ACACA: variants seen among roughly 807,000 people sequenced by gnomAD.
The protein encoded by ACACA is acetyl-CoA carboxylase alpha.
In ACACA, 103 loss-of-function variants were observed where a neutral mutation model predicts 296.1. The observed-to-expected ratio is 0.35, with a 90% CI of 0.30 to 0.41. ACACA has a LOEUF of 0.41. Among genes scored for constraint, ACACA ranks in the 10% least tolerant of loss-of-function variants. ACACA has a pLI of 1.00. For missense variants in ACACA, 1,554 were observed against 2,989.7 expected (o/e 0.52, Z 11.20); for synonymous variants, 953 against 1,038.6 (o/e 0.92, Z 1.58).
intron 1 of ACACA, among the ~76,000 whole-genome samples, chr17:37,399,026 C>T (rs541544331): frequency 4.6e-5 from 7 of 150,848 alleles, no homozygotes; most frequent in Admixed American, 4.0e-4. Flanking sequence ...GTTGCCCAGG[C>T]TGGAGTGCAA....
intron 3 of ACACA, among the ~76,000 whole-genome samples, chr17:37,301,064 A>G (rs935997068): frequency 6.6e-6 from 1 of 152,238 alleles, no homozygotes; most frequent in Non-Finnish European, 1.5e-5. Flanking sequence ...AAATGCAAAT[A>G]AAGCACTAAG....
At chr17:37,126,433 T>C (rs540471128) in intron 47 of ACACA, among the ~76,000 whole-genome samples, 19 of 152,354 alleles carry the variant, frequency 1.2e-4, no homozygotes, top group African/African-American at 4.6e-4. Flanking sequence ...ACATACTTAA[T>C]GCCATTAATC....
chr17:37,271,838 A>T (rs960018206), intron 9 of ACACA, among the ~76,000 whole-genome samples: 13 of 150,634 alleles, frequency 8.6e-5, no homozygotes, highest in African/African-American at 3.2e-4. Context: ...TGGGCGTGGT[A>T]CTGCATGCCT....
chr17:37,130,062 A>T lies in ACACA; in HGVS notation c.5823+13T>A, dbSNP rs1222967352. The T allele has an allele frequency of 6.2e-7, 1 of 1,614,052 alleles. No individual in the cohort carries two copies. The highest frequency in any genetic ancestry group is 1.7e-5 in the Admixed American group (1 of 60,026). On this transcript the variant is annotated intron_variant, in intron 46 of 55. Coordinates refer to ENST00000616317, the MANE Select transcript of ACACA (RefSeq NM_198834.3). Reference sequence around the variant, plus strand: ...TCTGCAGGCCATGTCAGTGCTGGGTAGGAAGGGCTCACCTTGGGCATGTAA... The same window carrying T: ...TCTGCAGGCCATGTCAGTGCTGGGTTGGAAGGGCTCACCTTGGGCATGTAA...
chr17:37,275,495 C>CAAAAA lies in ACACA; in HGVS notation c.901+451_901+455dup, dbSNP rs34064045. Among the ~76,000 whole-genome samples, 2 of 61,646 alleles carry CAAAAA rather than the reference C, an allele frequency of 3.2e-5. 1 individual carries two copies. Among genetic ancestry groups the CAAAAA allele is most frequent in the African/African-American group, 1.0e-4 (2 of 19,924 alleles). The allele number at this position is 61,646 out of a possible 152,430, so 40.4% of individuals were successfully genotyped here. ...TGGGCAACAGAGTGAGACTCCAACT[C>CAAAAA]AAAAAAAAAAAAAAAAAAGAAAAAA... On this transcript the variant is annotated intron_variant, in intron 8 of 55. Transcript: ENST00000616317.
At position 37,279,361 on chromosome 17, in the gene ACACA, G is replaced by A. The variant is rs138870950; in HGVS notation, c.611-1356C>T. Among the ~76,000 whole-genome samples, 460 of 152,282 alleles carry A rather than the reference G, an allele frequency of 3.0e-3. 1 individual carries two copies. The highest frequency in any genetic ancestry group is 4.6e-3 in the Non-Finnish European group (313 of 68,026). ...TTTTAAAAGTGAAAATTGGCCAGGC[G>A]CAGTGGCTCACGCCTGTAATCCTAG... On this transcript the variant is annotated intron_variant, in intron 5 of 55. Coordinates refer to ENST00000616317, the MANE Select transcript of ACACA (RefSeq NM_198834.3).
intron 52 of ACACA, among the ~76,000 whole-genome samples, chr17:37,104,944 GAAAAAAAAAA>G (rs66518229): frequency 5.3e-5 from 3 of 56,644 alleles, no homozygotes; most frequent in Non-Finnish European, 6.6e-5. Flanking sequence ...GTCTCTGACC[GAAAAAAAAAA>G]AAAAAAAAAA....
At chr17:37,393,733 T>C (rs568991978) in intron 1 of ACACA, among the ~76,000 whole-genome samples, 29 of 151,150 alleles carry the variant, frequency 1.9e-4, no homozygotes, top group African/African-American at 6.6e-4. Flanking sequence ...TCTCAGCTAC[T>C]CCAGAGGCTG....
At chr17:37,364,226 G>C (rs1226878254) in intron 1 of ACACA, among the ~76,000 whole-genome samples, 1 of 152,174 alleles carries the variant, frequency 6.6e-6, no homozygotes, top group Non-Finnish European at 1.5e-5. Flanking sequence ...GAACCCAGGA[G>C]ACAGAGGTTG....
At chr17:37,167,096 C>T (rs2076696552) in intron 41 of ACACA, among the ~76,000 whole-genome samples, 1 of 150,010 alleles carries the variant, frequency 6.7e-6, no homozygotes, top group Non-Finnish European at 1.5e-5. Flanking sequence ...AGGTGCATGC[C>T]ACCAGGCCTG....
chr17:37,281,126 T>C (rs1281116934), intron 5 of ACACA, among the ~76,000 whole-genome samples: 1 of 150,932 alleles, frequency 6.6e-6, no homozygotes, highest in Non-Finnish European at 1.5e-5. Flanking sequence ...AGTGGCACGA[T>C]CTCAGCTCAC....
chr17:37,181,141 G>A (rs1241138929), intron 40 of ACACA, 60 bp downstream of exon 40: 2 of 1,593,442 alleles, frequency 1.3e-6, no homozygotes, highest in Non-Finnish European at 8.6e-7. Context: ...GCATCTGATG[G>A]AAATTCAGGG....
At chr17:37,179,192 C>G in intron 41 of ACACA, 68 bp downstream of exon 41, 1 of 1,596,614 alleles carries the variant, frequency 6.3e-7, no homozygotes, top group East Asian at 2.2e-5. Flanking sequence ...ATTTAATGAC[C>G]ACCTCACAGA....
At chr17:37,206,340 GATAA>G (rs1245555569) in intron 32 of ACACA, among the ~76,000 whole-genome samples, 13 of 152,184 alleles carry the variant, frequency 8.5e-5, no homozygotes, top group African/African-American at 3.1e-4. Context: ...TTTATTTACT[GATAA>G]ATAAAAAGAA....
chr17:37,305,399 T>C (rs1271708940), intron 3 of ACACA, among the ~76,000 whole-genome samples: 1 of 152,216 alleles, frequency 6.6e-6, no homozygotes, highest in East Asian at 1.9e-4. Context: ...AATGTGGCTT[T>C]TGAGGAGTCA....
chr17:37,296,659 T>G (rs1199713939), intron 3 of ACACA, among the ~76,000 whole-genome samples: 1 of 151,908 alleles, frequency 6.6e-6, no homozygotes, highest in African/African-American at 2.4e-5. Context: ...TGCCCCATGA[T>G]CTACTCAACT....
intron 46 of ACACA, 128 bp downstream of exon 46, chr17:37,129,947 T>C: frequency 7.5e-7 from 1 of 1,336,636 alleles, no homozygotes; most frequent in Admixed American, 1.7e-5. Flanking sequence ...AATCAATAGC[T>C]TTCAGAGAAA....
chr17:37,231,932 T>C (rs2079877545), intron 25 of ACACA, among the ~76,000 whole-genome samples: 1 of 152,226 alleles, frequency 6.6e-6, no homozygotes, highest in Non-Finnish European at 1.5e-5. Context: ...TTTCAAAAAA[T>C]AAATGTACTA....
At chr17:37,213,528 CT>C (rs1279529732) in intron 29 of ACACA, among the ~76,000 whole-genome samples, 6 of 152,108 alleles carry the variant, frequency 3.9e-5, no homozygotes, top group African/African-American at 1.4e-4. Context: ...CACTTTCTTT[CT>C]AGTAGATTAG....
Sources: gnomAD v4.1 joint callset for allele counts (sites outside exome capture counted in the v4.1 genomes callset) on GRCh38, gnomAD v4.1.1 for gene constraint, MANE v1.5 for transcripts, NCBI Gene and HGNC (gene_info 2026-07-23, HGNC 2026-07-21) for gene names.